ATP8B4: variants seen among roughly 807,000 people sequenced by gnomAD.
ATP8B4 encodes ATPase phospholipid transporting 8B4 (putative).
A neutral mutation model predicts 145.6 loss-of-function variants in ATP8B4; 133 were observed. That is an observed-to-expected ratio of 0.91 (90% CI 0.79 to 1.05). ATP8B4 has a LOEUF of 1.05. ATP8B4 is among the 50% of genes least tolerant of loss of function. ATP8B4 has a pLI of 0.00. For synonymous variants in ATP8B4, 507 were observed against 492.9 expected, an observed-to-expected ratio of 1.03 and a Z score of -0.38; for missense variants, 1,458 against 1,425.2, an observed-to-expected ratio of 1.02 and a Z score of -0.37.
intron 14 of ATP8B4, among the ~76,000 whole-genome samples, chr15:49,950,720 G>T (rs1302329735): frequency 6.6e-6 from 1 of 151,674 alleles, no homozygotes; most frequent in Non-Finnish European, 1.5e-5. Flanking sequence ...CATGCTGTTA[G>T]TTATTTCTTG....
At chr15:49,993,375 AGTGTGT>A (rs34145133) in intron 9 of ATP8B4, among the ~76,000 whole-genome samples, 1 of 151,166 alleles carries the variant, frequency 6.6e-6, no homozygotes, top group African/African-American at 2.4e-5. Flanking sequence ...TGCTGATAGT[AGTGTGT>A]GTGTGTGTGT....
chr15:50,031,152 C>T (rs1178255571), intron 6 of ATP8B4, among the ~76,000 whole-genome samples: 1 of 152,150 alleles, frequency 6.6e-6, no homozygotes, highest in Non-Finnish European at 1.5e-5. Flanking sequence ...ACTGAGACCA[C>T]TCTTTGTAGC....
At chr15:49,902,675 ATTG>A (rs1397051190) in intron 20 of ATP8B4, among the ~76,000 whole-genome samples, 1 of 152,216 alleles carries the variant, frequency 6.6e-6, no homozygotes, top group Non-Finnish European at 1.5e-5. Flanking sequence ...ATGAAAAATC[ATTG>A]TTGTAAGTGA....
At chr15:50,078,466 G>C (rs2054330531) in intron 2 of ATP8B4, among the ~76,000 whole-genome samples, 1 of 151,798 alleles carries the variant, frequency 6.6e-6, no homozygotes, top group South Asian at 2.1e-4. Flanking sequence ...ACACACTGGA[G>C]AGTAGAATGG....
chr15:49,950,106 T>C (rs1312173275), intron 14 of ATP8B4, among the ~76,000 whole-genome samples: 4 of 152,232 alleles, frequency 2.6e-5, no homozygotes, highest in African/African-American at 7.2e-5. Context: ...ATCAGGGATA[T>C]TGGCCTGAAG....
intron 2 of ATP8B4, among the ~76,000 whole-genome samples, chr15:50,092,134 A>G (rs554622684): frequency 3.3e-5 from 5 of 152,270 alleles, no homozygotes; most frequent in Admixed American, 1.3e-4. Flanking sequence ...CTAAGTTTTC[A>G]TTTGACTTCT....
At chr15:50,146,303 G>A (rs1408031293) in intron 1 of ATP8B4, among the ~76,000 whole-genome samples, 1 of 152,148 alleles carries the variant, frequency 6.6e-6, no homozygotes, top group African/African-American at 2.4e-5. Flanking sequence ...GAGCCACCAC[G>A]CCCGGCCTAC....
At chr15:50,160,604 C>A (rs777764642) in intron 1 of ATP8B4, among the ~76,000 whole-genome samples, 3 of 151,408 alleles carry the variant, frequency 2.0e-5, no homozygotes, top group Non-Finnish European at 3.0e-5. Context: ...AGAAATTTTT[C>A]AATTTCCTTC....
chr15:49,930,291 G>A (rs556181596), intron 16 of ATP8B4, among the ~76,000 whole-genome samples: 1 of 152,038 alleles, frequency 6.6e-6, no homozygotes, highest in Non-Finnish European at 1.5e-5. Flanking sequence ...CATTCCTGAG[G>A]GCCTTTATTT....
intron 23 of ATP8B4, among the ~76,000 whole-genome samples, chr15:49,881,139 A>C (rs1407554981): frequency 6.6e-6 from 1 of 150,742 alleles, no homozygotes; most frequent in Non-Finnish European, 1.5e-5. Flanking sequence ...AAACAAAAAA[A>C]AGCCTTGATT....
At chr15:50,081,910 C>T (rs1037169568) in intron 2 of ATP8B4, among the ~76,000 whole-genome samples, 3 of 152,184 alleles carry the variant, frequency 2.0e-5, no homozygotes, top group Admixed American at 6.5e-5. Flanking sequence ...ATGGAGCATT[C>T]GGGGTCCCTA....
intron 1 of ATP8B4, among the ~76,000 whole-genome samples, chr15:50,113,960 GTTAA>G (rs1225222165): frequency 6.6e-6 from 1 of 151,242 alleles, no homozygotes; most frequent in African/African-American, 2.4e-5. Flanking sequence ...CATACAGCAG[GTTAA>G]TTGTTGTGAG....
intron 20 of ATP8B4, among the ~76,000 whole-genome samples, chr15:49,916,069 T>C (rs1441968949): frequency 6.6e-6 from 1 of 152,022 alleles, no homozygotes; most frequent in Non-Finnish European, 1.5e-5. Context: ...GTGTCATCAT[T>C]CTGCTTGGCC....
chr15:50,060,065 A>C (rs1251786851), intron 3 of ATP8B4, among the ~76,000 whole-genome samples: 1 of 152,182 alleles, frequency 6.6e-6, no homozygotes, highest in East Asian at 1.9e-4. Context: ...TGAAACCCAG[A>C]AAGGCTAAAA....
At chr15:50,061,716 A>C (rs1291903672) in intron 3 of ATP8B4, among the ~76,000 whole-genome samples, 1 of 152,166 alleles carries the variant, frequency 6.6e-6, no homozygotes, top group Non-Finnish European at 1.5e-5. Context: ...GAGTAGCCAA[A>C]TGGTTCCCCA....
intron 20 of ATP8B4, among the ~76,000 whole-genome samples, chr15:49,916,274 A>G (rs1327081237): frequency 6.6e-6 from 1 of 152,180 alleles, no homozygotes; most frequent in Non-Finnish European, 1.5e-5. Flanking sequence ...CTCAAACTTT[A>G]ATGTCTGTCC....
At chr15:49,983,859 T>A (rs2046368245) in intron 10 of ATP8B4, among the ~76,000 whole-genome samples, 1 of 152,204 alleles carries the variant, frequency 6.6e-6, no homozygotes, top group African/African-American at 2.4e-5. Flanking sequence ...TTGACCTCAC[T>A]TTCCTTACTC....
chr15:50,020,554 A>G (rs2049468074), intron 6 of ATP8B4, among the ~76,000 whole-genome samples: 1 of 152,086 alleles, frequency 6.6e-6, no homozygotes, highest in Admixed American at 6.6e-5. Context: ...CTTTTAAATT[A>G]TATCTTCAGC....
chr15:49,945,707 T>C (rs1427083400), intron 14 of ATP8B4, among the ~76,000 whole-genome samples: 2 of 152,154 alleles, frequency 1.3e-5, no homozygotes, highest in Non-Finnish European at 2.9e-5. Context: ...CAAAAATCAA[T>C]ATGAAACACC....
Sources: allele counts gnomAD v4.1 joint callset (sites outside exome capture counted in the v4.1 genomes callset), GRCh38; gene constraint gnomAD v4.1.1; transcripts MANE v1.5; gene names NCBI Gene and HGNC (gene_info 2026-07-23, HGNC 2026-07-21).